Variants in MICALL2 observed in about 807,000 individuals in gnomAD.
MICALL2 encodes MICAL-like protein 2.
A neutral mutation model predicts 91.1 loss-of-function variants in MICALL2; 111 were observed. The ratio of observed to expected loss-of-function variants is 1.22; its 90% CI spans 1.04 to 1.43. The LOEUF (loss-of-function observed/expected upper bound fraction) is 1.43, where lower values mean the gene tolerates loss of function less well. MICALL2 is among the 40% of genes most tolerant of loss of function. The probability of loss-of-function intolerance (pLI) is 0.00; values close to 1 mark genes in which losing one functional copy is unlikely to be tolerated. For synonymous variants in MICALL2, 694 were observed against 525.3 expected, an observed-to-expected ratio of 1.32 and a Z score of -4.39; for missense variants, 1,556 against 1,236.0, an observed-to-expected ratio of 1.26 and a Z score of -3.88.
rs754410765 is a variant in MICALL2 at position 1,452,169 on chromosome 7, T to C, written c.144-1881A>G. On this transcript the variant is annotated intron_variant, in intron 1 of 16. Coordinates refer to ENST00000297508, the MANE Select transcript of MICALL2 (RefSeq NM_182924.4). This position sits in a 1 kb window ranked among gnomAD's most constrained non-coding sequence, Gnocchi z 6.2. ...GACCACCCGTCTGCACAGGCGGAGC[T>C]TCTGCACGCCGGACAAGATGGGGCG... is the stretch of plus-strand genomic sequence containing the variant. Among the ~76,000 whole-genome samples, 2 of 152,202 alleles carry C rather than the reference T, an allele frequency of 1.3e-5. No homozygotes were observed. Among genetic ancestry groups the C allele is most frequent in the Non-Finnish European group, 2.9e-5 (2 of 68,030 alleles).
intron 1 of MICALL2, among the ~76,000 whole-genome samples, chr7:1,458,734 G>A (rs1781106751): frequency 1.3e-5 from 2 of 152,210 alleles, no homozygotes. Flanking sequence ...TGCACTGGCC[G>A]CTCCCCCACA....
chr7:1,459,071 C>A, intron 1 of MICALL2, 113 bp downstream of exon 1: 11 of 1,111,984 alleles, frequency 9.9e-6, no homozygotes, highest in Non-Finnish European at 1.4e-5. Flanking sequence ...CTGTGCCTGC[C>A]CAGTCCCACG....
intron 1 of MICALL2, among the ~76,000 whole-genome samples, chr7:1,457,382 G>A (rs1170664799): frequency 6.6e-6 from 1 of 152,204 alleles, no homozygotes; most frequent in Non-Finnish European, 1.5e-5. Context: ...ACCGGAGCTG[G>A]GGGCAGAGGG....
At position 1,438,830 on chromosome 7, in the gene MICALL2, T is replaced by C. The variant is rs375637659; in HGVS notation, c.2122+10A>G. On this transcript the variant is annotated intron_variant, in intron 10 of 16. Coordinates refer to ENST00000297508, the MANE Select transcript of MICALL2 (RefSeq NM_182924.4). ...ACACCCCAAACAGCAGCGGTGTCTCTGGGGCTGACCTGGTTTGCCCTGAAG... is the reference window on the plus strand; with the variant it reads ...ACACCCCAAACAGCAGCGGTGTCTCCGGGGCTGACCTGGTTTGCCCTGAAG... 18 of 1,597,302 alleles carry C rather than the reference T, an allele frequency of 1.1e-5. No homozygotes were observed. In the African/African-American group the frequency reaches 2.1e-4, roughly 19 times the overall value.
intron 1 of MICALL2, among the ~76,000 whole-genome samples, chr7:1,450,952 C>G (rs760551180): frequency 6.6e-6 from 1 of 152,232 alleles, no homozygotes; most frequent in African/African-American, 2.4e-5. Context: ...ATGTCTGCAT[C>G]TCACAGAGAC....
At position 1,438,253 on chromosome 7, in the gene MICALL2, G is replaced by A. The variant is rs757745577; in HGVS notation, c.2188-33C>T. On this transcript the variant is annotated intron_variant, in intron 11 of 16. Transcript: ENST00000297508. ...CGGAGGGGCGGTGAGGATGCCGGAG[G>A]GCTGGGCCCCTGCCCGGCTCCCCAC... 51 of 1,588,784 alleles carry A rather than the reference G, an allele frequency of 3.2e-5. No homozygotes were observed. The African/African-American group carries it at 5.6e-4, about 18-fold the overall frequency.
chr7:1,438,829 C>A lies in MICALL2; in HGVS notation c.2122+11G>T, dbSNP rs1430868473. 1.9e-6 allele frequency: 3 copies of A among 1,597,048 alleles called. No homozygotes were observed. Among genetic ancestry groups the A allele is most frequent in the Non-Finnish European group, 2.6e-6 (3 of 1,169,682 alleles). On this transcript the variant is annotated intron_variant, in intron 10 of 16. Transcript: ENST00000297508. ...TACACCCCAAACAGCAGCGGTGTCT[C>A]TGGGGCTGACCTGGTTTGCCCTGAA...
At chr7:1,441,119 T>C (rs1452137389) in intron 7 of MICALL2, 3 of 186,552 alleles carry the variant, frequency 1.6e-5, no homozygotes. Context: ...GGAAAAACCC[T>C]TTGCAGCCCA....
chr7:1,450,397 G>T, intron 1 of MICALL2, 109 bp from the exon 2 acceptor site: 2 of 907,506 alleles, frequency 2.2e-6, no homozygotes, highest in East Asian at 2.4e-5. Context: ...GCCAGGATGG[G>T]GGGCTGTGAA....
Position 1,440,051 on chromosome 7 carries a change from C to G in MICALL2, c.1840G>C (p.Glu614Gln). 6.3e-7 allele frequency: 1 copy of G among 1,586,802 alleles called. No homozygotes were observed. The highest frequency in any genetic ancestry group is 8.5e-7 in the Non-Finnish European group (1 of 1,171,446). ...LKPKEPRALA[E>Q]PRAGEAPRKV... Reference sequence around the variant, plus strand: ...CTGGGGGCCTCCCCCGCCCTCGGCTCTGCCAGGGCCCGTGGTTCCTTGGGC... The same window carrying G: ...CTGGGGGCCTCCCCCGCCCTCGGCTGTGCCAGGGCCCGTGGTTCCTTGGGC... Residue 614 changes from glutamate (E) to glutamine (Q), a missense_variant, in exon 9 of 17, where the codon GAG becomes CAG. By Grantham distance (29) the Glu-to-Gln change is conservative. Coordinates refer to ENST00000297508, the MANE Select transcript of MICALL2 (RefSeq NM_182924.4).
rs375638403 is a variant in MICALL2, at chr7:1,440,041, G to A, written c.1850C>T (p.Ala617Val). The stretch of plus-strand genomic sequence containing the variant: ...TGAGACCTTCCTGGGGGCCTCCCCC[G>A]CCCTCGGCTCTGCCAGGGCCCGTGG... ...KEPRALAEPR[A>V]GEAPRKVSGS... The change falls in exon 9 of 17, where the codon GCG becomes GTG. Residue 617 changes from alanine to valine, a missense_variant. Physicochemically the swap from Ala to Val is moderately conservative, Grantham distance 64. Coordinates refer to ENST00000297508, the MANE Select transcript of MICALL2 (RefSeq NM_182924.4). The A allele has an allele frequency of 6.1e-5, 96 of 1,579,004 alleles. No homozygotes were observed. Among genetic ancestry groups the A allele is most frequent in the Admixed American group, 1.9e-4 (10 of 52,092 alleles).
chr7:1,445,836 CTTGCA>C (rs1780548966), intron 5 of MICALL2, among the ~76,000 whole-genome samples: 3 of 152,212 alleles, frequency 2.0e-5, no homozygotes, highest in East Asian at 3.9e-4. Flanking sequence ...CCACCCCAGC[CTTGCA>C]GAGCTGGGGA....
intron 7 of MICALL2, chr7:1,441,067 G>A (rs569026460): frequency 7.4e-4 from 186 of 249,950 alleles, no homozygotes; most frequent in African/African-American, 3.8e-3. Flanking sequence ...AGGATCCAGC[G>A]CGTGGCTTTA....
At chr7:1,455,429 G>GGGCA (rs2128526240) in intron 1 of MICALL2, among the ~76,000 whole-genome samples, 1 of 152,360 alleles carries the variant, frequency 6.6e-6, no homozygotes, top group South Asian at 2.1e-4. Flanking sequence ...AGGTGAGACA[G>GGGCA]GGCAGGCGGG....
At position 1,442,363 on chromosome 7, in the gene MICALL2, T is replaced by TC. The variant is rs760874241; in HGVS notation, c.1539dup (p.Met514AspfsTer51). Reference sequence around the variant, plus strand: ...GTGCTCAGCGGGGCTGGCGGTTCCATCCTCGAAGGGAGGCCAAGCACCCGG... The same window carrying TC: ...GTGCTCAGCGGGGCTGGCGGTTCCATCCCTCGAAGGGAGGCCAAGCACCCGG... On this transcript the variant is annotated frameshift_variant, in exon 7 of 17. Transcript: ENST00000297508. LOFTEE classifies it high-confidence loss of function. 6 of 1,612,086 alleles carry TC rather than the reference T, an allele frequency of 3.7e-6. No homozygotes were observed. In the African/African-American group the frequency reaches 8.0e-5, roughly 21 times the overall value.
In MICALL2 at chr7:1,439,947, G is replaced by A. The variant is rs757818737; in HGVS notation, c.1944C>T (p.Ala648=). Residue 648 remains alanine, a synonymous_variant, in exon 9 of 17, where the codon GCC becomes GCT. Transcript: ENST00000297508. ...PVRPDRTPRP[A]SPGPSLPARS... ...TACCTGGGAGGCTGGGTCCTGGGCT[G>A]GCTGGGCGTGGGGTCCTGTCAGGCC... The A allele has an allele frequency of 2.7e-6, 4 of 1,492,446 alleles. No individual in the cohort carries two copies. Among genetic ancestry groups the A allele is most frequent in the African/African-American group, 1.5e-5 (1 of 67,892 alleles). 92.5% of individuals were successfully genotyped at this position (1,492,446 alleles called of 1,614,324 possible).
At chr7:1,458,428 C>T (rs1407650919) in intron 1 of MICALL2, among the ~76,000 whole-genome samples, 3 of 152,228 alleles carry the variant, frequency 2.0e-5, no homozygotes, top group Admixed American at 6.5e-5. Flanking sequence ...CCCCCAGCCC[C>T]GACACACAGA....
intron 6 of MICALL2, among the ~76,000 whole-genome samples, chr7:1,443,496 G>A (rs1017488475): frequency 2.0e-5 from 3 of 152,228 alleles, no homozygotes; most frequent in Non-Finnish European, 2.9e-5. Context: ...ACCCCTAAAA[G>A]TCATGTCCAC....
At chr7:1,443,023 C>T (rs960712535) in intron 6 of MICALL2, among the ~76,000 whole-genome samples, 1 of 152,050 alleles carries the variant, frequency 6.6e-6, no homozygotes, top group Non-Finnish European at 1.5e-5. Flanking sequence ...AGTGAGGCTG[C>T]CAGAGCCTGA....
Sources: gnomAD v4.1 joint callset for allele counts (sites outside exome capture counted in the v4.1 genomes callset) on GRCh38, gnomAD v4.1.1 for gene constraint, Gnocchi (gnomAD v3.1) non-coding constraint, MANE v1.5 for transcripts, NCBI Gene and HGNC (gene_info 2026-07-23, HGNC 2026-07-21) for gene names.